RSPO1: variants seen among roughly 807,000 people sequenced by gnomAD.
The protein encoded by RSPO1 is R-spondin-1.
A neutral mutation model predicts 26.0 loss-of-function variants in RSPO1; 18 were observed. The ratio of observed to expected loss-of-function variants is 0.69; its 90% CI spans 0.48 to 1.03. The LOEUF is 1.03. Ranked by LOEUF, RSPO1 falls within the 50% of genes least tolerant of loss-of-function variation. The pLI is 0.00. For synonymous variants in RSPO1, 133 were observed against 137.4 expected, an observed-to-expected ratio of 0.97 and a Z score of 0.22; for missense variants, 309 against 352.3, an observed-to-expected ratio of 0.88 and a Z score of 0.98.
chr1:37,633,864 G>T (rs941306584), intron 1 of RSPO1, among the ~76,000 whole-genome samples: 1 of 152,154 alleles, frequency 6.6e-6, no homozygotes, highest in Admixed American at 6.5e-5. Context: ...AACAGGTGCC[G>T]AGGGAGACGC....
chr1:37,611,483 C>T lies in RSPO1; in HGVS notation c.*1272G>A, dbSNP rs1644024543. On this transcript the variant is annotated 3_prime_UTR_variant, in exon 7 of 7. Transcript: ENST00000356545. ...GTTTGTACAATTCCTTGGTGCATGC[C>T]TATTTTCTTCCCCACCAACCTCTAA... is the stretch of plus-strand genomic sequence containing the variant. 1 of 152,198 alleles carries T rather than the reference C, an allele frequency of 6.6e-6. No individual in the cohort carries two copies. Among genetic ancestry groups the T allele is most frequent in the Admixed American group, 6.5e-5 (1 of 15,276 alleles). The allele number at this position is 152,198 out of a possible 1,614,324, so 9.4% of individuals were successfully genotyped here. A position where few individuals can be genotyped will look rare whatever the true frequency, so the allele number is the denominator to read the frequency against.
intron 3 of RSPO1, among the ~76,000 whole-genome samples, chr1:37,620,403 C>G (rs1335173448): frequency 6.6e-6 from 1 of 151,988 alleles, no homozygotes; most frequent in Non-Finnish European, 1.5e-5. Context: ...AATCCCAGAA[C>G]TTTGGGAAGC....
intron 4 of RSPO1, among the ~76,000 whole-genome samples, chr1:37,616,125 C>A (rs1041731520): frequency 5.9e-5 from 9 of 152,022 alleles, no homozygotes; most frequent in African/African-American, 1.7e-4. Context: ...GAGCAAGGTG[C>A]TGGGAGCCTG....
chr1:37,627,495 C>A (rs1418194227), intron 3 of RSPO1, among the ~76,000 whole-genome samples: 1 of 151,990 alleles, frequency 6.6e-6, no homozygotes, highest in African/African-American at 2.4e-5. Flanking sequence ...ACTAAAAATA[C>A]AAAAATTAGC....
At chr1:37,625,635 A>G (rs1644263839) in intron 3 of RSPO1, among the ~76,000 whole-genome samples, 1 of 151,286 alleles carries the variant, frequency 6.6e-6, no homozygotes, top group Non-Finnish European at 1.5e-5. Flanking sequence ...TGGGACCTGC[A>G]CATTCAGCAA....
Position 37,616,615 on chromosome 1 carries a change from C to T in RSPO1, c.155G>A (p.Gly52Asp). Residue 52 changes from glycine (G) to aspartate (D), a missense_variant, in exon 4 of 7, where the codon GGC (glycine) becomes GAC (aspartate). Transcript: ENST00000356545. Reference sequence around the variant, plus strand: ...CAGCTTGGGTGAGCACTTGAGGCAGCCGTTGACTTCAGAGCAGAGCTCACA... The same window carrying T: ...CAGCTTGGGTGAGCACTTGAGGCAGTCGTTGACTTCAGAGCAGAGCTCACA... Reference protein sequence around the residue: ...KGCELCSEVNGCLKCSPKLFI... With the variant: ...KGCELCSEVNDCLKCSPKLFI... The T allele has an allele frequency of 6.2e-7, 1 of 1,614,142 alleles. No individual in the cohort carries two copies. The highest frequency in any genetic ancestry group is 8.5e-7 in the Non-Finnish European group (1 of 1,180,032).
At position 37,629,781 on chromosome 1, in the gene RSPO1, G is replaced by C. The variant is rs575503019; in HGVS notation, c.-120C>G. ...GCAGCAGGAGGCCCAGGCCTGGGCCGTAGCCCAAATCCACCATAATCTCAG... is the reference window on the plus strand; with the variant it reads ...GCAGCAGGAGGCCCAGGCCTGGGCCCTAGCCCAAATCCACCATAATCTCAG... On this transcript the variant is annotated 5_prime_UTR_variant, in exon 3 of 7. An upstream open reading frame in the 5' UTR gains an earlier in-frame stop. Transcript: ENST00000356545. 1 of 1,552,364 alleles carries C rather than the reference G, an allele frequency of 6.4e-7. No homozygotes were observed. Among genetic ancestry groups the C allele is most frequent in the African/African-American group, 1.4e-5 (1 of 73,056 alleles).
At chr1:37,629,427 G>T in intron 3 of RSPO1, 141 bp downstream of exon 3, 1 of 705,506 alleles carries the variant, frequency 1.4e-6, no homozygotes, top group Non-Finnish European at 2.5e-6. Context: ...ATCATCTACT[G>T]AGTGATCTAC....
chr1:37,622,664 C>T (rs1644219984), intron 3 of RSPO1, among the ~76,000 whole-genome samples: 1 of 152,040 alleles, frequency 6.6e-6, no homozygotes, highest in Non-Finnish European at 1.5e-5. Flanking sequence ...GACTGAGAGA[C>T]AGAGGTGCCA....
At chr1:37,618,639 G>A (rs940803260) in intron 3 of RSPO1, among the ~76,000 whole-genome samples, 6 of 152,284 alleles carry the variant, frequency 3.9e-5, no homozygotes, top group African/African-American at 1.4e-4. Flanking sequence ...AGATTTGAGA[G>A]ATGCTTAGGA....
chr1:37,615,816 G>C (rs994762015), intron 4 of RSPO1, among the ~76,000 whole-genome samples: 1 of 152,220 alleles, frequency 6.6e-6, no homozygotes, highest in Non-Finnish European at 1.5e-5. Context: ...GAAGACCAGG[G>C]AGAGAAGAGA....
intron 3 of RSPO1, 39 bp from the exon 4 acceptor site, chr1:37,616,714 G>C: frequency 6.4e-7 from 1 of 1,568,396 alleles, no homozygotes; most frequent in Non-Finnish European, 8.8e-7. Context: ...CGGCTGTGGA[G>C]AGAACCTCAC....
intron 3 of RSPO1, among the ~76,000 whole-genome samples, chr1:37,628,375 T>C (rs1399391252): frequency 6.6e-6 from 1 of 152,228 alleles, no homozygotes; most frequent in East Asian, 1.9e-4. Context: ...GCTTCACCAA[T>C]TCTCTGAGCT....
intron 4 of RSPO1, among the ~76,000 whole-genome samples, chr1:37,616,106 A>G (rs1644106785): frequency 6.6e-6 from 1 of 152,148 alleles, no homozygotes. Flanking sequence ...GGCTATTGCA[A>G]TGATCCCGGA....
rs377526889 is a variant in RSPO1, at chr1:37,614,250, G to T, written c.370C>A (p.Arg124Ser). ...CCCTCGGGACAAGCTGGATAGCAGC[G>T]GCCCTTGTGCAGGTACAAGCCCTCC... The part of the protein sequence containing the change: ...CKEGLYLHKG[R>S]CYPACPEGSS... Residue 124 changes from arginine to serine, a missense_variant, in exon 5 of 7, where the codon CGC becomes AGC. Transcript: ENST00000356545. 12 of 1,613,600 alleles carry T rather than the reference G, an allele frequency of 7.4e-6. No homozygotes were observed. The African/African-American group carries it at 1.5e-4, about 20-fold the overall frequency.
chr1:37,616,392 C>T (rs1644112211), intron 4 of RSPO1, 92 bp downstream of exon 4: 2 of 1,231,248 alleles, frequency 1.6e-6, no homozygotes, highest in Non-Finnish European at 2.4e-6. Flanking sequence ...GCCCCCTCTG[C>T]TCCTCTTGCC....
chr1:37,629,822 G>C lies in RSPO1; in HGVS notation c.-161C>G. On this transcript the variant is annotated 5_prime_UTR_variant, in exon 3 of 7. Coordinates refer to ENST00000356545, the MANE Select transcript of RSPO1 (RefSeq NM_001242908.2). Reference sequence around the variant, plus strand: ...ATAATCTCAGCTGGGGACAGAGAGGGTGTGGGGAGCCCAGTTCTCCATCAG... The same window carrying C: ...ATAATCTCAGCTGGGGACAGAGAGGCTGTGGGGAGCCCAGTTCTCCATCAG... 6.4e-7 allele frequency: 1 copy of C among 1,551,050 alleles called. No homozygotes were observed.
intron 3 of RSPO1, 144 bp from the exon 4 acceptor site, chr1:37,616,819 GCTCT>G: frequency 1.2e-6 from 1 of 803,678 alleles, no homozygotes; most frequent in Non-Finnish European, 2.1e-6. Context: ...CAGGCTGGCA[GCTCT>G]CTGCAAGGCT....
At chr1:37,626,717 T>C (rs917746958) in intron 3 of RSPO1, among the ~76,000 whole-genome samples, 1 of 152,148 alleles carries the variant, frequency 6.6e-6, no homozygotes, top group Admixed American at 6.5e-5. Flanking sequence ...AGGGGGCTCC[T>C]GGCTTCTGGA....
Sources: allele counts gnomAD v4.1 joint callset (sites outside exome capture counted in the v4.1 genomes callset), GRCh38; gene constraint gnomAD v4.1.1; transcripts MANE v1.5; gene names NCBI Gene and HGNC (gene_info 2026-07-23, HGNC 2026-07-21).